The following ROR2 variants were observed in gnomAD, a reference collection of about 807,000 sequenced individuals.
ROR2 encodes the protein tyrosine-protein kinase transmembrane receptor ROR2.
Under a neutral mutation model 74.9 loss-of-function variants are expected in ROR2, and 33 were observed. The ratio of observed to expected loss-of-function variants is 0.44; its 90% CI spans 0.33 to 0.59. The LOEUF (loss-of-function observed/expected upper bound fraction) is 0.59, where lower values mean the gene tolerates loss of function less well. ROR2 is among the 20% of genes least tolerant of loss of function. ROR2 has a pLI of 0.02. For missense variants in ROR2, 1,216 were observed against 1,313.8 expected, an observed-to-expected ratio of 0.93 and a Z score of 1.15; for synonymous variants, 586 against 558.7, an observed-to-expected ratio of 1.05 and a Z score of -0.69.
chr9:91,899,478 G>C (rs1830618363), intron 1 of ROR2, among the ~76,000 whole-genome samples: 1 of 152,158 alleles, frequency 6.6e-6, no homozygotes, highest in Non-Finnish European at 1.5e-5. Flanking sequence ...CACCCTACCA[G>C]TCCCGGTGCC....
intron 1 of ROR2, among the ~76,000 whole-genome samples, chr9:91,924,439 GC>G (rs1401471427): frequency 1.3e-5 from 2 of 152,236 alleles, no homozygotes; most frequent in African/African-American, 4.8e-5. Context: ...GGGAATCACA[GC>G]CAGTGGATCT....
intron 1 of ROR2, among the ~76,000 whole-genome samples, chr9:91,889,654 C>T (rs968890510): frequency 3.9e-5 from 6 of 152,164 alleles, no homozygotes; most frequent in Non-Finnish European, 5.9e-5. Context: ...CCAAAGCCAA[C>T]ATCAGACGCC....
intron 1 of ROR2, among the ~76,000 whole-genome samples, chr9:91,782,968 C>T (rs535972518): frequency 9.2e-5 from 14 of 152,320 alleles, no homozygotes; most frequent in East Asian, 1.9e-4. Flanking sequence ...ACAATGGAAA[C>T]GCCTTGTCTC....
At chr9:91,768,085 G>A (rs1826116037) in intron 2 of ROR2, among the ~76,000 whole-genome samples, 1 of 152,170 alleles carries the variant, frequency 6.6e-6, no homozygotes, top group African/African-American at 2.4e-5. Context: ...CACAGCCACA[G>A]AGCACCATGG....
intron 1 of ROR2, among the ~76,000 whole-genome samples, chr9:91,928,637 C>T (rs996024630): frequency 4.6e-5 from 7 of 152,240 alleles, no homozygotes; most frequent in Non-Finnish European, 8.8e-5. Flanking sequence ...TGCTGCTTCT[C>T]TCTACCTCAG....
chr9:91,816,712 C>A (rs1402613451), intron 1 of ROR2, among the ~76,000 whole-genome samples: 1 of 146,446 alleles, frequency 6.8e-6, no homozygotes, highest in Non-Finnish European at 1.5e-5. Flanking sequence ...CCAACACACA[C>A]ACTCTAGAAT....
intron 1 of ROR2, among the ~76,000 whole-genome samples, chr9:91,831,271 A>AG (rs1828457554): frequency 2.1e-5 from 2 of 95,660 alleles, no homozygotes; most frequent in African/African-American, 1.5e-4. Context: ...TCAAAAAAAC[A>AG]AAAAAAAAAA....
At chr9:91,767,896 T>C (rs1826109262) in intron 2 of ROR2, among the ~76,000 whole-genome samples, 1 of 152,088 alleles carries the variant, frequency 6.6e-6, no homozygotes. Context: ...GAAGTCCTCA[T>C]CCCCGCAACC....
Position 91,949,975 on chromosome 9 carries a change from T to TG in ROR2, c.-13dup, listed in dbSNP as rs1290664549. ...GAGCCCCGGGCCATGCCGCAGGCAG[T>TG]GGGGGCCGGGAAGCCCTCAGAGCTT... On this transcript the variant is annotated 5_prime_UTR_variant, in exon 1 of 9. Coordinates refer to ENST00000375708, the MANE Select transcript of ROR2 (RefSeq NM_004560.4). The TG allele has an allele frequency of 1.4e-6, 2 of 1,433,194 alleles. No homozygotes were observed. The highest frequency in any genetic ancestry group is 1.8e-6 in the Non-Finnish European group (2 of 1,098,564). 88.8% of individuals were successfully genotyped at this position (1,433,194 alleles called of 1,614,324 possible).
intron 1 of ROR2, among the ~76,000 whole-genome samples, chr9:91,928,834 A>G (rs1285626791): frequency 1.3e-5 from 2 of 152,236 alleles, no homozygotes; most frequent in East Asian, 3.9e-4. Flanking sequence ...TGCAAGCTCC[A>G]CAGGAGAAAA....
chr9:91,812,877 G>A (rs1322110162), intron 1 of ROR2, among the ~76,000 whole-genome samples: 1 of 152,150 alleles, frequency 6.6e-6, no homozygotes, highest in Non-Finnish European at 1.5e-5. Flanking sequence ...TGCTCTGAAA[G>A]CCATAGCATT....
rs1179877586 is a variant in ROR2, at chr9:91,814,214, A to G, written c.98-38396T>C. 2.6e-5 allele frequency among the ~76,000 whole-genome samples: 4 copies of G among 152,318 alleles called. 1 individual carries two copies. In the East Asian group the frequency reaches 7.7e-4, roughly 29 times the overall value. On this transcript the variant is annotated intron_variant, in intron 1 of 8. Transcript: ENST00000375708. ...GAACATAAGAATAAAAGAAGGAAGAAGAAAGGAGAATGTTTGAGGAAAAAA... is the reference window on the plus strand; with the variant it reads ...GAACATAAGAATAAAAGAAGGAAGAGGAAAGGAGAATGTTTGAGGAAAAAA...
chr9:91,789,908 A>G (rs1327774175), intron 1 of ROR2, among the ~76,000 whole-genome samples: 1 of 152,196 alleles, frequency 6.6e-6, no homozygotes, highest in Non-Finnish European at 1.5e-5. Context: ...TAAAAAAAAC[A>G]CTACCCAAAC....
In ROR2 at chr9:91,737,373, A is replaced by C. The variant is rs2118727452; in HGVS notation, c.622+18T>G. 6.2e-7 allele frequency: 1 copy of C among 1,614,088 alleles called. No individual in the cohort carries two copies. Among genetic ancestry groups the C allele is most frequent in the Non-Finnish European group, 8.5e-7 (1 of 1,180,018 alleles). ...TGTGCATGCTTATCATCCTGGGAGA[A>C]AGGTCTGCAGCTCCTACCTGTGATT... On this transcript the variant is annotated intron_variant, in intron 5 of 8. Coordinates refer to ENST00000375708, the MANE Select transcript of ROR2 (RefSeq NM_004560.4).
At chr9:91,816,437 C>T (rs1257831378) in intron 1 of ROR2, among the ~76,000 whole-genome samples, 1 of 152,224 alleles carries the variant, frequency 6.6e-6, no homozygotes, top group Non-Finnish European at 1.5e-5. Context: ...CCCCTTTCCC[C>T]TCTGGCTGGT....
At chr9:91,871,694 CTGAA>C (rs1173941163) in intron 1 of ROR2, among the ~76,000 whole-genome samples, 1 of 152,160 alleles carries the variant, frequency 6.6e-6, no homozygotes, top group Non-Finnish European at 1.5e-5. Context: ...AGTGCTGGTT[CTGAA>C]TGAAGCCTGT....
intron 1 of ROR2, among the ~76,000 whole-genome samples, chr9:91,821,450 C>G (rs902634802): frequency 1.3e-5 from 2 of 152,182 alleles, no homozygotes; most frequent in Admixed American, 6.5e-5. Flanking sequence ...CTGGTGGTCT[C>G]CTTTCCACAT....
Position 91,779,064 on chromosome 9 carries a change from A to G in ROR2, c.98-3246T>C, listed in dbSNP as rs542659416. On this transcript the variant is annotated intron_variant, in intron 1 of 8. Coordinates refer to ENST00000375708, the MANE Select transcript of ROR2 (RefSeq NM_004560.4). ...TATCCTGGTCAGGACCCTGGAACAG[A>G]AAAGGGATATTAGGTAAAAACTAAG... 1.1e-3 allele frequency among the ~76,000 whole-genome samples: 164 copies of G among 152,304 alleles called. 1 individual carries two copies. The highest frequency in any genetic ancestry group is 3.6e-3 in the African/African-American group (148 of 41,556).
chr9:91,927,862 C>A (rs1050616634), intron 1 of ROR2, among the ~76,000 whole-genome samples: 1 of 152,146 alleles, frequency 6.6e-6, no homozygotes, highest in Non-Finnish European at 1.5e-5. Context: ...CCGCGCCCAG[C>A]CTCTAGATTC....
Sources: gnomAD v4.1 joint callset for allele counts (sites outside exome capture counted in the v4.1 genomes callset) on GRCh38, gnomAD v4.1.1 for gene constraint, MANE v1.5 for transcripts, NCBI Gene and HGNC (gene_info 2026-07-23, HGNC 2026-07-21) for gene names.